The following MED15 variants were observed in gnomAD, a reference collection of about 807,000 sequenced individuals.
MED15 encodes the protein mediator of RNA polymerase II transcription subunit 15.
A neutral mutation model predicts 118.7 loss-of-function variants in MED15; 41 were observed. The observed-to-expected ratio is 0.35, with a 90% CI of 0.27 to 0.45. MED15 has a LOEUF of 0.45. Ranked by LOEUF, MED15 falls within the 20% of genes least tolerant of loss-of-function variation. The pLI is 1.00. For missense variants in MED15, 740 were observed against 1,025.5 expected, an observed-to-expected ratio of 0.72 and a Z score of 3.80; for synonymous variants, 436 against 413.9, an observed-to-expected ratio of 1.05 and a Z score of -0.65.
At chr22:20,550,569 T>C (rs1459327503) in intron 2 of MED15, among the ~76,000 whole-genome samples, 2 of 152,202 alleles carry the variant, frequency 1.3e-5, no homozygotes, top group African/African-American at 4.8e-5. Context: ...GGAGGAAGGT[T>C]GGGTGAGCAG....
At chr22:20,518,716 T>A (rs1473854153) in intron 1 of MED15, among the ~76,000 whole-genome samples, 1 of 152,234 alleles carries the variant, frequency 6.6e-6, no homozygotes, top group South Asian at 2.1e-4. Context: ...TATGTAGGGT[T>A]GTGGAAAGCA....
intron 2 of MED15, 136 bp downstream of exon 2, chr22:20,537,340 T>G: frequency 1.4e-6 from 1 of 691,158 alleles, no homozygotes; most frequent in Non-Finnish European, 2.3e-6. Context: ...ACAGGCACAG[T>G]TGGTTTTGCC....
chr22:20,564,312 G>C, intron 5 of MED15, 138 bp from the exon 6 acceptor site: 1 of 1,442,882 alleles, frequency 6.9e-7, no homozygotes, highest in African/African-American at 1.4e-5. Context: ...TCTGTCTGTG[G>C]TAAATGGAAC....
rs907420563 is a variant in MED15 at position 20,537,241 on chromosome 22, G to A, written c.156+37G>A. On this transcript the variant is annotated intron_variant, in intron 2 of 17. Coordinates refer to ENST00000263205, the MANE Select transcript of MED15 (RefSeq NM_001003891.3). Reference sequence around the variant, plus strand: ...GTAAGTGGAGCCACTCTGGCAGAGAGACTTGGAGAGGAGAGCATCACAGAC... The same window carrying A: ...GTAAGTGGAGCCACTCTGGCAGAGAAACTTGGAGAGGAGAGCATCACAGAC... 2.5e-6 allele frequency: 4 copies of A among 1,578,552 alleles called. No individual in the cohort carries two copies. The African/African-American group carries it at 4.0e-5, about 16-fold the overall frequency.
chr22:20,539,109 GT>G (rs961794571), intron 2 of MED15, among the ~76,000 whole-genome samples: 18 of 151,684 alleles, frequency 1.2e-4, no homozygotes, highest in African/African-American at 4.4e-4. Context: ...TTCCTCTTTT[GT>G]TTTTTTTAGA....
rs545396146 is a variant in MED15, at chr22:20,585,913, C to A, written c.2230+87C>A. 1.2e-4 allele frequency: 147 copies of A among 1,264,068 alleles called. No homozygotes were observed. In the African/African-American group the frequency reaches 2.0e-3, roughly 18 times the overall value. The allele number at this position is 1,264,068 out of a possible 1,614,324, so 78.3% of individuals were successfully genotyped here. A position where few individuals can be genotyped will look rare whatever the true frequency, so the allele number is the denominator to read the frequency against. ...CAGGCTTCCACTGCAGCAGGGACAG[C>A]CTCTGTGTGCTCCTGCCCCTCCCCA... On this transcript the variant is annotated intron_variant, in intron 17 of 17. Transcript: ENST00000263205.
chr22:20,582,452 G>T, intron 9 of MED15, 159 bp from the exon 10 acceptor site: 1 of 1,169,702 alleles, frequency 8.5e-7, no homozygotes, highest in South Asian at 1.5e-5. Context: ...CAGGCTGGGG[G>T]AGTGTGCCTG....
intron 17 of MED15, 149 bp downstream of exon 17, chr22:20,585,975 G>C: frequency 2.8e-6 from 2 of 708,722 alleles, no homozygotes; most frequent in Non-Finnish European, 2.4e-6. Flanking sequence ...GGCTCCTCCT[G>C]CACAGACAGC....
rs949409008 is a variant in MED15, at chr22:20,518,984, C to G, written c.68+11238C>G. The stretch of plus-strand genomic sequence containing the variant: ...CCTCCCACGTCAGCCTCCCAAGTAG[C>G]TGGGACCACAGGTGTGTGCCTCCAT... On this transcript the variant is annotated intron_variant, in intron 1 of 17. Transcript: ENST00000263205. The G allele has an allele frequency of 7.6e-5, 31 of 410,226 alleles. No individual in the cohort carries two copies. The Admixed American group carries it at 8.4e-4, about 11-fold the overall frequency. The allele number at this position is 410,226 out of a possible 1,614,324, so 25.4% of individuals were successfully genotyped here.
rs1351666966 is a variant in MED15, at chr22:20,568,523, C to T, written c.1044C>T (p.Val348=). 6.2e-7 allele frequency: 1 copy of T among 1,613,680 alleles called. No individual in the cohort carries two copies. Among genetic ancestry groups the T allele is most frequent in the South Asian group, 1.1e-5 (1 of 91,048 alleles). The part of the protein sequence containing the change: ...MLYTQPPLKF[V]RAPMVVQQPP... ...ACATTCTCTCTTTCTCCCTCAAGGT[C>T]CGAGCTCCGATGGTGGTGCAGCAGC... Residue 348 remains valine (V), a splice_region_variant and synonymous_variant, in exon 8 of 18, where the codon GTC becomes GTT. Coordinates refer to ENST00000263205, the MANE Select transcript of MED15 (RefSeq NM_001003891.3).
intron 2 of MED15, 190 bp from the exon 3 acceptor site, chr22:20,551,246 T>C: frequency 1.4e-6 from 1 of 724,346 alleles, no homozygotes; most frequent in South Asian, 1.4e-5. Context: ...TGCCTGTTAT[T>C]GGCCAGCCTA....
rs770548275 is a variant in MED15 at position 20,585,104 on chromosome 22, C to T, written c.1968C>T (p.Ala656=). The T allele has an allele frequency of 6.2e-7, 1 of 1,613,656 alleles. No homozygotes were observed. Among genetic ancestry groups the T allele is most frequent in the East Asian group, 2.2e-5 (1 of 44,886 alleles). Residue 656 remains alanine (A), a synonymous_variant, in exon 16 of 18, where the codon GCC becomes GCT. Transcript: ENST00000263205. ...GGTCACCATGCCGCCTCCCCAGGGC[C>T]CCAGTGGTGTGCACCCGGAAGCGCA... is the stretch of plus-strand genomic sequence containing the variant. ...MTAIHGPPIT[A]PVVCTRKRRL...
intron 7 of MED15, 36 bp from the exon 8 acceptor site, chr22:20,568,485 G>T: frequency 6.2e-7 from 1 of 1,606,746 alleles, no homozygotes; most frequent in Non-Finnish European, 8.5e-7. Context: ...TCTGACCCAG[G>T]TGGTTCCAAA....
At chr22:20,572,966 CTT>C (rs361635) in intron 8 of MED15, among the ~76,000 whole-genome samples, 32 of 136,956 alleles carry the variant, frequency 2.3e-4, no homozygotes, top group Non-Finnish European at 2.7e-4. Flanking sequence ...ATCTCATTTT[CTT>C]TTTTTTTTTT....
chr22:20,512,942 A>G (rs1468962543), intron 1 of MED15, among the ~76,000 whole-genome samples: 3 of 151,756 alleles, frequency 2.0e-5, no homozygotes, highest in Non-Finnish European at 4.4e-5. Flanking sequence ...GGGTTTCACC[A>G]TGTTGGTCAG....
At chr22:20,514,087 A>T (rs982044271) in intron 1 of MED15, among the ~76,000 whole-genome samples, 3 of 151,886 alleles carry the variant, frequency 2.0e-5, no homozygotes, top group Admixed American at 6.6e-5. Context: ...GCTGGTCTTG[A>T]TCTCCTGGGC....
At position 20,584,073 on chromosome 22, in the gene MED15, G is replaced by A. The variant is rs992306899; in HGVS notation, c.1737-286G>A. ...CTTTGTTAGGGTTATAGGGATGAGTGGGGCAGGGACTGGCCTACATGACAA... is the reference window on the plus strand; with the variant it reads ...CTTTGTTAGGGTTATAGGGATGAGTAGGGCAGGGACTGGCCTACATGACAA... On this transcript the variant is annotated intron_variant, in intron 13 of 17. Coordinates refer to ENST00000263205, the MANE Select transcript of MED15 (RefSeq NM_001003891.3). 3.5e-5 allele frequency: 17 copies of A among 486,422 alleles called. No homozygotes were observed. In the East Asian group the frequency reaches 5.6e-4, roughly 16 times the overall value. The allele number at this position is 486,422 out of a possible 1,614,324, so 30.1% of individuals were successfully genotyped here.
intron 1 of MED15, chr22:20,518,849 A>G: frequency 4.4e-6 from 2 of 452,732 alleles, no homozygotes; most frequent in Non-Finnish European, 4.4e-6. Context: ...TTTTTGAGAC[A>G]TTCATTTATT....
rs919554781 is a variant in MED15 at position 20,567,480 on chromosome 22, T to C, written c.1041+663T>C. Among the ~76,000 whole-genome samples, 15 of 152,190 alleles carry C rather than the reference T, an allele frequency of 9.9e-5. No homozygotes were observed. The East Asian group carries it at 2.5e-3, about 26-fold the overall frequency. ...TTCTGTTTGTGATTCATGAGTGGAA[T>C]GGGGCCTGAGGCAAGTGTGGGGGTG... On this transcript the variant is annotated intron_variant, in intron 7 of 17. Transcript: ENST00000263205.
Sources: gnomAD v4.1 joint callset for allele counts (sites outside exome capture counted in the v4.1 genomes callset) on GRCh38, gnomAD v4.1.1 for gene constraint, MANE v1.5 for transcripts, NCBI Gene and HGNC (gene_info 2026-07-23, HGNC 2026-07-21) for gene names.